ADCY8: variants seen among roughly 807,000 people sequenced by gnomAD.
The protein encoded by ADCY8 is adenylate cyclase type 8.
Under a neutral mutation model 119.7 loss-of-function variants are expected in ADCY8, and 51 were observed. The observed-to-expected ratio is 0.43, with a 90% confidence interval of 0.34 to 0.54. The LOEUF (loss-of-function observed/expected upper bound fraction) is 0.54. Among genes scored for constraint, ADCY8 ranks in the 20% least tolerant of loss-of-function variants. ADCY8 has a pLI of 0.03. For missense variants in ADCY8, 1,383 were observed against 1,598.8 expected (o/e 0.87, Z 2.30); for synonymous variants, 665 against 651.0 (o/e 1.02, Z -0.33).
chr8:131,009,724 G>A (rs1207964844), intron 1 of ADCY8, among the ~76,000 whole-genome samples: 2 of 152,230 alleles, frequency 1.3e-5, no homozygotes, highest in African/African-American at 2.4e-5. Flanking sequence ...TCTGTAGATG[G>A]TAGGGAATCC....
chr8:130,806,250 G>T (rs1175782947), intron 14 of ADCY8, among the ~76,000 whole-genome samples: 1 of 152,210 alleles, frequency 6.6e-6, no homozygotes, highest in Non-Finnish European at 1.5e-5. Context: ...CACTCCAGTT[G>T]TCTGCCTGCT....
chr8:130,880,296 A>G (rs1395799690), intron 8 of ADCY8, among the ~76,000 whole-genome samples: 1 of 152,170 alleles, frequency 6.6e-6, no homozygotes, highest in African/African-American at 2.4e-5. Context: ...AACAGTGGTT[A>G]CCCTGGGTTG....
chr8:130,938,916 TTAAA>T (rs766083359), intron 4 of ADCY8, among the ~76,000 whole-genome samples: 3 of 152,176 alleles, frequency 2.0e-5, no homozygotes, highest in Non-Finnish European at 4.4e-5. Flanking sequence ...GTCTGATTCA[TTAAA>T]TAAAAGAAGC....
At chr8:130,853,379 G>A (rs559392659) in intron 9 of ADCY8, among the ~76,000 whole-genome samples, 15 of 152,294 alleles carry the variant, frequency 9.8e-5, no homozygotes, top group South Asian at 4.1e-4. Context: ...GGTGGAGTGC[G>A]TTGGTTTAAT....
chr8:130,984,956 C>G (rs906320927), intron 2 of ADCY8, among the ~76,000 whole-genome samples: 4 of 152,186 alleles, frequency 2.6e-5, no homozygotes, highest in Non-Finnish European at 4.4e-5. Flanking sequence ...AGCCATGATA[C>G]AGCACCAAAA....
rs181154530 is a variant in ADCY8 at position 130,925,161 on chromosome 8, C to T, written c.1481+11912G>A. Among the ~76,000 whole-genome samples the T allele has an allele frequency of 4.0e-3, 615 of 152,094 alleles. 2 individuals are homozygous for T. The highest frequency in any genetic ancestry group is 6.5e-3 in the Non-Finnish European group (445 of 67,988). On this transcript the variant is annotated intron_variant, in intron 5 of 17. Transcript: ENST00000286355. ...TGGGGGTTGCAATGAGCCAAGATCG[C>T]GCCACTGCACTCCAGCCCGGGTGAG... is the stretch of plus-strand genomic sequence containing the variant.
chr8:130,872,679 A>G (rs1363430668), intron 8 of ADCY8, among the ~76,000 whole-genome samples: 2 of 152,240 alleles, frequency 1.3e-5, no homozygotes, highest in East Asian at 3.8e-4. Context: ...CCTCATCACA[A>G]TGCAATGCAA....
At chr8:130,788,267 C>A (rs893799247) in intron 15 of ADCY8, among the ~76,000 whole-genome samples, 1 of 151,836 alleles carries the variant, frequency 6.6e-6, no homozygotes, top group Non-Finnish European at 1.5e-5. Flanking sequence ...TGAGTAAATT[C>A]AAAAAATGTG....
chr8:130,955,668 AC>A (rs1821404781), intron 2 of ADCY8, among the ~76,000 whole-genome samples: 1 of 152,228 alleles, frequency 6.6e-6, no homozygotes. Context: ...CATTATGCAA[AC>A]TAAAAACATT....
chr8:130,854,339 T>C (rs2130337691), intron 9 of ADCY8, among the ~76,000 whole-genome samples: 1 of 152,332 alleles, frequency 6.6e-6, no homozygotes, highest in East Asian at 1.9e-4. Flanking sequence ...TTTCTAGACA[T>C]TAAGTCCTAA....
At chr8:130,824,537 T>C (rs574345326) in intron 12 of ADCY8, among the ~76,000 whole-genome samples, 30 of 152,364 alleles carry the variant, frequency 2.0e-4, no homozygotes, top group African/African-American at 6.5e-4. Flanking sequence ...TATTCATCTA[T>C]GAACCTGCAG....
At chr8:131,019,843 GTCTCTCTCTCTCTCTC>G (rs71306306) in intron 1 of ADCY8, among the ~76,000 whole-genome samples, 3 of 86,884 alleles carry the variant, frequency 3.5e-5, no homozygotes, top group African/African-American at 1.3e-4. Context: ...CTCTCTGTCT[GTCTCTCTCTCTCTCTC>G]TCTCTCTCTC....
intron 3 of ADCY8, among the ~76,000 whole-genome samples, chr8:130,948,326 G>A (rs968344475): frequency 1.3e-5 from 2 of 152,236 alleles, no homozygotes; most frequent in Non-Finnish European, 2.9e-5. Flanking sequence ...TGGAGAGCGT[G>A]AATGACTTCC....
At chr8:130,922,156 C>G (rs903921534) in intron 5 of ADCY8, among the ~76,000 whole-genome samples, 1 of 152,166 alleles carries the variant, frequency 6.6e-6, no homozygotes, top group African/African-American at 2.4e-5. Flanking sequence ...AGATATGGTC[C>G]CTCAGCCTTG....
intron 5 of ADCY8, among the ~76,000 whole-genome samples, chr8:130,928,304 C>G: frequency 6.6e-6 from 1 of 152,148 alleles, no homozygotes; most frequent in East Asian, 1.9e-4. Flanking sequence ...TACTCCTGAC[C>G]TCAAGCTATC....
Position 130,956,277 on chromosome 8 carries a change from A to G in ADCY8, c.1111-4279T>C, listed in dbSNP as rs142601112. 7.7e-3 allele frequency among the ~76,000 whole-genome samples: 1,176 copies of G among 152,328 alleles called. 20 individuals are homozygous for G. The highest frequency in any genetic ancestry group is 0.026 in the African/African-American group (1,089 of 41,562). On this transcript the variant is annotated intron_variant, in intron 2 of 17. Coordinates refer to ENST00000286355, the MANE Select transcript of ADCY8 (RefSeq NM_001115.3). ...ACACACTGTAGGATCCTATAGTGAGAGATAGTCTTGTCTATCCTCACATCC... is the reference window on the plus strand; with the variant it reads ...ACACACTGTAGGATCCTATAGTGAGGGATAGTCTTGTCTATCCTCACATCC...
chr8:130,932,389 C>A (rs933137798), intron 5 of ADCY8, among the ~76,000 whole-genome samples: 1 of 152,052 alleles, frequency 6.6e-6, no homozygotes, highest in Non-Finnish European at 1.5e-5. Flanking sequence ...TGGGTACCAG[C>A]CTGGTATATG....
chr8:130,834,503 G>A lies in ADCY8; in HGVS notation c.2675+1774C>T, dbSNP rs188934108. On this transcript the variant is annotated intron_variant, in intron 12 of 17. Coordinates refer to ENST00000286355, the MANE Select transcript of ADCY8 (RefSeq NM_001115.3). ...GGCAATATTTTAAAAAGTGGAAAAC[G>A]CAGATACCCTACAATCCAACAAGAG... 3.3e-5 allele frequency among the ~76,000 whole-genome samples: 5 copies of A among 152,240 alleles called. No individual in the cohort carries two copies. In the East Asian group the frequency reaches 5.8e-4, roughly 18 times the overall value.
intron 7 of ADCY8, among the ~76,000 whole-genome samples, chr8:130,902,910 T>C (rs1473545012): frequency 6.6e-6 from 1 of 152,068 alleles, no homozygotes. Flanking sequence ...TACAGTCACA[T>C]CATTGAACTT....
Sources: gnomAD v4.1 joint callset for allele counts (sites outside exome capture counted in the v4.1 genomes callset) on GRCh38, gnomAD v4.1.1 for gene constraint, MANE v1.5 for transcripts, NCBI Gene and HGNC (gene_info 2026-07-23, HGNC 2026-07-21) for gene names.